HTR3E: variants seen among roughly 807,000 people sequenced by gnomAD.
The protein encoded by HTR3E is 5-hydroxytryptamine receptor 3E, also known as 5-hydroxytryptamine (serotonin) receptor 3, family member E.
HTR3E carries 38 observed loss-of-function variants against 38.0 expected under a neutral mutation model. The ratio of observed to expected loss-of-function variants is 1.00; its 90% CI spans 0.77 to 1.31. The LOEUF (loss-of-function observed/expected upper bound fraction) is 1.31. Ranked by LOEUF, HTR3E falls within the 50% of genes most tolerant of loss-of-function variation. The pLI is 0.00. For synonymous variants in HTR3E, 210 were observed against 232.9 expected (o/e 0.90, Z 0.89); for missense variants, 547 against 585.2 (o/e 0.93, Z 0.67).
At chr3:184,103,358 G>A (rs149803860) in intron 3 of HTR3E, among the ~76,000 whole-genome samples, 1,620 of 152,070 alleles carry the variant, frequency 0.011, 16 homozygotes, top group South Asian at 0.032. Flanking sequence ...GGCCGGGCGC[G>A]GTGGCTCACG....
rs1177483521 is a variant in HTR3E, at chr3:184,105,901, T to C, written c.857T>C (p.Leu286Pro). The C allele has an allele frequency of 6.2e-7, 1 of 1,614,178 alleles. No individual in the cohort carries two copies. Among genetic ancestry groups the C allele is most frequent in the East Asian group, 2.2e-5 (1 of 44,878 alleles). ...GNRVPFKITL[L>P]LGYNVFLLMM... ...CGTGTCCCATTCAAGATAACGCTCC[T>C]GCTGGGCTACAACGTCTTCCTGCTC... The change falls in exon 7 of 9, where the codon CTG (leucine) becomes CCG (proline). Residue 286 changes from leucine (L) to proline (P), a missense_variant. Coordinates refer to ENST00000415389, the MANE Select transcript of HTR3E (RefSeq NM_001256613.2).
intron 3 of HTR3E, among the ~76,000 whole-genome samples, chr3:184,103,352 G>A (rs539587371): frequency 8.5e-5 from 13 of 152,178 alleles, no homozygotes; most frequent in South Asian, 2.1e-4. Flanking sequence ...GGTGGTGGCC[G>A]GGCGCGGTGG....
intron 3 of HTR3E, among the ~76,000 whole-genome samples, chr3:184,102,254 G>C (rs141860118): frequency 6.6e-6 from 1 of 151,994 alleles, no homozygotes; most frequent in Non-Finnish European, 1.5e-5. Flanking sequence ...CTTGAGCCCA[G>C]GAGTTTGAGG....
chr3:184,097,725 A>G, intron 1 of HTR3E, 129 bp downstream of exon 1: 1 of 667,248 alleles, frequency 1.5e-6, no homozygotes, highest in East Asian at 2.8e-5. Context: ...TTTCATAGCT[A>G]CATTACTAAG....
At position 184,104,230 on chromosome 3, in the gene HTR3E, A is replaced by G; in HGVS notation, c.328A>G (p.Ile110Val). The G allele has an allele frequency of 6.2e-7, 1 of 1,613,538 alleles. No homozygotes were observed. Among genetic ancestry groups the G allele is most frequent in the Non-Finnish European group, 8.5e-7 (1 of 1,179,816 alleles). ...ISWNPEECEG[I>V]TKMSMAAKNL... is the part of the protein sequence containing the mutation. ...CTGGAACCCAGAGGAATGTGAGGGC[A>G]TCACGAAGATGAGTATGGCAGCCAA... Residue 110 changes from isoleucine to valine, a missense_variant, in exon 4 of 9, where the codon ATC (isoleucine) becomes GTC (valine). Ile to Val is a conservative substitution (Grantham distance 29). Transcript: ENST00000415389.
intron 3 of HTR3E, among the ~76,000 whole-genome samples, chr3:184,103,926 C>A (rs542154576): frequency 6.6e-6 from 1 of 152,086 alleles, no homozygotes; most frequent in Admixed American, 6.6e-5. Flanking sequence ...GGTTCCCAGA[C>A]CACCAGCGCT....
At chr3:184,103,741 G>T (rs550855342) in intron 3 of HTR3E, among the ~76,000 whole-genome samples, 1 of 150,864 alleles carries the variant, frequency 6.6e-6, no homozygotes, top group African/African-American at 2.4e-5. Context: ...AGGTTGCAGT[G>T]AGCCGAGATC....
At position 184,104,170 on chromosome 3, in the gene HTR3E, C is replaced by T; in HGVS notation, c.280-12C>T. ...AGGCAGGAGACTCACCTCTCCTCCA[C>T]CTGGGCTCTAGGTTTGGGATAACCC... is the stretch of plus-strand genomic sequence containing the variant. On this transcript the variant is annotated splice_polypyrimidine_tract_variant and intron_variant, in intron 3 of 8. Transcript: ENST00000415389. 6.3e-7 allele frequency: 1 copy of T among 1,588,506 alleles called. No homozygotes were observed. The highest frequency in any genetic ancestry group is 1.7e-4 in the Middle Eastern group (1 of 5,866).
At chr3:184,103,785 A>T (rs1211852584) in intron 3 of HTR3E, among the ~76,000 whole-genome samples, 1 of 151,830 alleles carries the variant, frequency 6.6e-6, no homozygotes, top group Non-Finnish European at 1.5e-5. Flanking sequence ...TGACAGAGCA[A>T]GACTCCATCT....
At chr3:184,100,752 C>A in intron 2 of HTR3E, 101 bp downstream of exon 2, 1 of 1,498,488 alleles carries the variant, frequency 6.7e-7, no homozygotes, top group Non-Finnish European at 9.0e-7. Context: ...CTGCTTCCTC[C>A]ACCACTGCTG....
chr3:184,105,466 C>T (rs770635528), intron 6 of HTR3E, 39 bp downstream of exon 6: 29 of 1,563,642 alleles, frequency 1.9e-5, no homozygotes, highest in Non-Finnish European at 2.5e-5. Context: ...TCCTCCCGCA[C>T]TTTTACCCTT....
At chr3:184,105,029 T>G in intron 5 of HTR3E, 73 bp downstream of exon 5, 1 of 1,456,406 alleles carries the variant, frequency 6.9e-7, no homozygotes, top group Non-Finnish European at 9.4e-7. Context: ...TATGAGTAAA[T>G]GGTGACCAAG....
At chr3:184,100,249 GT>G in intron 1 of HTR3E, 2 of 1,359,896 alleles carry the variant, frequency 1.5e-6, no homozygotes, top group South Asian at 2.8e-5. Context: ...TTGCACCTTA[GT>G]TAGCTCGTTT....
Position 184,097,370 on chromosome 3 carries a change from A to C in HTR3E, c.-160A>C, listed in dbSNP as rs1475954647. 1.1e-5 allele frequency: 7 copies of C among 611,586 alleles called. No homozygotes were observed. Among genetic ancestry groups the C allele is most frequent in the African/African-American group, 3.7e-5 (2 of 54,028 alleles). The allele number at this position is 611,586 out of a possible 1,614,324, so 37.9% of individuals were successfully genotyped here. ...GACTGAACCTTAAGCATAGGCAAGA[A>C]CAAGACAACCAGAACACTCTTTGAA... On this transcript the variant is annotated 5_prime_UTR_variant, in exon 1 of 9. Transcript: ENST00000415389.
Position 184,105,443 on chromosome 3 carries a change from C to A in HTR3E, c.720+16C>A, listed in dbSNP as rs913272753. Reference sequence around the variant, plus strand: ...CGTGTTCTATGTGAGCTTGGAGGCTCTTACTCTTTCCTTCCTCCCGCACTT... The same window carrying A: ...CGTGTTCTATGTGAGCTTGGAGGCTATTACTCTTTCCTTCCTCCCGCACTT... On this transcript the variant is annotated intron_variant, in intron 6 of 8. Coordinates refer to ENST00000415389, the MANE Select transcript of HTR3E (RefSeq NM_001256613.2). 6.3e-7 allele frequency: 1 copy of A among 1,584,398 alleles called. No individual in the cohort carries two copies. Among genetic ancestry groups the A allele is most frequent in the African/African-American group, 1.4e-5 (1 of 73,552 alleles).
At chr3:184,104,735 AAAAG>A (rs1377594359) in intron 4 of HTR3E, 48 bp from the exon 5 acceptor site, 15 of 1,392,212 alleles carry the variant, frequency 1.1e-5, no homozygotes, top group African/African-American at 1.5e-5. Flanking sequence ...AAAAAAAAAA[AAAAG>A]AGAGAGAGAA....
chr3:184,099,679 AGT>A (rs1711873789), intron 1 of HTR3E, among the ~76,000 whole-genome samples: 3 of 133,800 alleles, frequency 2.2e-5, no homozygotes, highest in Admixed American at 8.0e-5. Context: ...GCGCCACTGC[AGT>A]CCGCAGTCCG....
intron 1 of HTR3E, among the ~76,000 whole-genome samples, chr3:184,098,908 G>A (rs1711808184): frequency 6.6e-6 from 1 of 151,964 alleles, no homozygotes; most frequent in African/African-American, 2.4e-5. Context: ...GCCTGATGTG[G>A]TGGTAGTGCC....
rs1174713512 is a variant in HTR3E, at chr3:184,097,415, T to C, written c.-115T>C. 1 of 705,764 alleles carries C rather than the reference T, an allele frequency of 1.4e-6. No homozygotes were observed. Among genetic ancestry groups the C allele is most frequent in the East Asian group, 2.7e-5 (1 of 36,874 alleles). The allele number at this position is 705,764 out of a possible 1,614,324, so 43.7% of individuals were successfully genotyped here. A position where few individuals can be genotyped will look rare whatever the true frequency, so the allele number is the denominator to read the frequency against. ...TTTGAAGGAAGGTTACAAATGTCAG[T>C]GGTCAACCAATGCTATTAGTATTCA... is the stretch of plus-strand genomic sequence containing the variant. On this transcript the variant is annotated 5_prime_UTR_variant, in exon 1 of 9. Transcript: ENST00000415389.
Sources: gnomAD v4.1 joint callset for allele counts (sites outside exome capture counted in the v4.1 genomes callset) on GRCh38, gnomAD v4.1.1 for gene constraint, MANE v1.5 for transcripts, NCBI Gene and HGNC (gene_info 2026-07-23, HGNC 2026-07-21) for gene names.